MFSD8: variants seen among roughly 807,000 people sequenced by gnomAD.
MFSD8 encodes major facilitator superfamily domain containing 8.
In MFSD8, 55 loss-of-function variants were observed where a neutral mutation model predicts 66.4. The observed-to-expected ratio is 0.83, with a 90% CI of 0.67 to 1.04. MFSD8 has a LOEUF of 1.04. Ranked by LOEUF, MFSD8 falls within the 50% of genes least tolerant of loss-of-function variation. The probability of loss-of-function intolerance (pLI) is 0.00; values close to 1 mark genes in which losing one functional copy is unlikely to be tolerated. For synonymous variants in MFSD8, 202 were observed against 212.8 expected, an observed-to-expected ratio of 0.95 and a Z score of 0.44; for missense variants, 550 against 627.6, an observed-to-expected ratio of 0.88 and a Z score of 1.32.
intron 1 of MFSD8, among the ~76,000 whole-genome samples, chr4:127,963,676 T>TG (rs1560785876): frequency 6.6e-6 from 1 of 152,018 alleles, no homozygotes; most frequent in Admixed American, 6.6e-5. Flanking sequence ...TCGCGGTGAG[T>TG]GTTACGGCTC....
intron 11 of MFSD8, 141 bp from the exon 12 acceptor site, chr4:127,920,977 C>T (rs1736261334): frequency 2.6e-6 from 2 of 770,898 alleles, no homozygotes. Context: ...CATAAAATGC[C>T]TCCTATAAAT....
rs147768072 is a variant in MFSD8, at chr4:127,950,021, T to C, written c.155-174A>G. ...TAATTATCAGAAGAAAAATAAAGAC[T>C]AAAAGAACATACAATTACAGTCCCT... On this transcript the variant is annotated intron_variant, in intron 2 of 11. Coordinates refer to ENST00000641686, the MANE Select transcript of MFSD8 (RefSeq NM_001371596.2). 0.012 allele frequency among the ~76,000 whole-genome samples: 1,858 copies of C among 152,276 alleles called. 18 individuals are homozygous for C. The highest frequency in any genetic ancestry group is 0.025 in the South Asian group (119 of 4,826).
rs1209439323 is a variant in MFSD8 at position 127,920,499 on chromosome 4, T to C, written c.*131A>G. 3.5e-6 allele frequency: 3 copies of C among 851,844 alleles called. No homozygotes were observed. Among genetic ancestry groups the C allele is most frequent in the Admixed American group, 3.6e-5 (2 of 54,828 alleles). 52.8% of individuals were successfully genotyped at this position (851,844 alleles called of 1,614,324 possible). On this transcript the variant is annotated 3_prime_UTR_variant, in exon 12 of 12. Transcript: ENST00000641686. ...AGAATTCTCTCTGTTATTCAACATA[T>C]GTTCTTGTTCTTCAAAATCTGCAAT...
chr4:127,929,060 G>A (rs554654072), intron 9 of MFSD8, among the ~76,000 whole-genome samples: 8 of 152,074 alleles, frequency 5.3e-5, no homozygotes, highest in Non-Finnish European at 2.9e-5. Flanking sequence ...GGTGGTTCAC[G>A]CCTGTAATCC....
chr4:127,939,951 C>G lies in MFSD8; in HGVS notation c.600G>C (p.Trp200Cys). 1.2e-6 allele frequency: 2 copies of G among 1,613,460 alleles called. No individual in the cohort carries two copies. Among genetic ancestry groups the G allele is most frequent in the South Asian group, 2.2e-5 (2 of 91,032 alleles). Residue 200 changes from tryptophan to cysteine, a missense_variant, in exon 6 of 12, where the codon TGG (tryptophan) becomes TGC (cysteine). Trp to Cys is a radical substitution (Grantham distance 215). Transcript: ENST00000641686. ...TGTTTATCTGCAGTTTAATCACATC[C>G]CATGTCACACCTTTTTCTCCAAGGA... ...FTFLGEKGVT[W>C]DVIKLQINMY...
chr4:127,947,882 A>ACG (rs1402850501), intron 3 of MFSD8, among the ~76,000 whole-genome samples: 4 of 148,988 alleles, frequency 2.7e-5, no homozygotes, highest in Non-Finnish European at 5.9e-5. Flanking sequence ...ACACACACAC[A>ACG]CACACACACA....
chr4:127,927,308 T>G (rs574054565), intron 9 of MFSD8, among the ~76,000 whole-genome samples: 1 of 152,294 alleles, frequency 6.6e-6, no homozygotes, highest in South Asian at 2.1e-4. Context: ...GTGGAGCAGC[T>G]GTGATTACAG....
chr4:127,945,642 T>G (rs1740910045), intron 3 of MFSD8: 1 of 152,018 alleles, frequency 6.6e-6, no homozygotes, highest in Non-Finnish European at 1.5e-5. Flanking sequence ...TAAAGATATT[T>G]AAAGTGAAAA....
intron 7 of MFSD8, among the ~76,000 whole-genome samples, chr4:127,936,473 C>T (rs1057402937): frequency 9.2e-5 from 14 of 151,748 alleles, no homozygotes; most frequent in African/African-American, 3.4e-4. Flanking sequence ...CACCTGTAAT[C>T]CTAGCACTTT....
At position 127,938,830 on chromosome 4, in the gene MFSD8, C is replaced by T. The variant is rs371250204; in HGVS notation, c.707G>A (p.Arg236His). 29 of 1,606,796 alleles carry T rather than the reference C, an allele frequency of 1.8e-5. No individual in the cohort carries two copies. In the Middle Eastern group the frequency reaches 5.0e-4, roughly 28 times the overall value. The change falls in exon 7 of 12, where the codon CGT becomes CAT. Residue 236 changes from arginine to histidine, a missense_variant. Coordinates refer to ENST00000641686, the MANE Select transcript of MFSD8 (RefSeq NM_001371596.2). ...ACACTGTCTTCCTGAGTCATCCACACGATGTTCTCTTAAAAAGAAAAACAC... is the reference window on the plus strand; with the variant it reads ...ACACTGTCTTCCTGAGTCATCCACATGATGTTCTCTTAAAAAGAAAAACAC... The part of the protein sequence containing the change: ...ILILAILREH[R>H]VDDSGRQCKS...
Position 127,938,596 on chromosome 4 carries a change from TAAATAA to T in MFSD8, c.754+181_754+186del, listed in dbSNP as rs1309104033. Among the ~76,000 whole-genome samples, 1,590 of 105,960 alleles carry T rather than the reference TAAATAA, an allele frequency of 0.015. 58 individuals carry two copies. Among genetic ancestry groups the T allele is most frequent in the African/African-American group, 0.062 (1,421 of 23,010 alleles). 69.5% of individuals were successfully genotyped at this position (105,960 alleles called of 152,430 possible). On this transcript the variant is annotated intron_variant, in intron 7 of 11. Transcript: ENST00000641686. ...AAACTCTGTCTCAAAAAAAAAAAAA[TAAATAA>T]ATAAATAAATAAATAAATAAATAAA...
chr4:127,923,455 C>G (rs975273023), intron 9 of MFSD8, among the ~76,000 whole-genome samples: 4 of 151,750 alleles, frequency 2.6e-5, no homozygotes, highest in Admixed American at 6.6e-5. Flanking sequence ...GTTGAACCAG[C>G]CTTGCATCTC....
At chr4:127,941,327 A>T (rs1206143749) in intron 5 of MFSD8, among the ~76,000 whole-genome samples, 3 of 152,146 alleles carry the variant, frequency 2.0e-5, no homozygotes. Context: ...GCTGAGTTGG[A>T]TTCAAACTGA....
chr4:127,943,728 C>T, intron 4 of MFSD8, 24 bp downstream of exon 4: 1 of 1,613,858 alleles, frequency 6.2e-7, no homozygotes. Flanking sequence ...TATGACACAA[C>T]CAAACATATA....
chr4:127,954,444 C>T (rs1035391264), intron 2 of MFSD8, among the ~76,000 whole-genome samples: 5 of 152,012 alleles, frequency 3.3e-5, no homozygotes, highest in South Asian at 2.1e-4. Context: ...GGCAAAACCC[C>T]GTCTCTACTA....
intron 9 of MFSD8, among the ~76,000 whole-genome samples, chr4:127,929,451 T>C (rs1578834908): frequency 1.3e-5 from 2 of 148,560 alleles, no homozygotes; most frequent in Non-Finnish European, 3.0e-5. Flanking sequence ...AGCCAGGCAT[T>C]ATGGCACATG....
chr4:127,946,045 C>T (rs1453709625), intron 3 of MFSD8, among the ~76,000 whole-genome samples: 4 of 151,906 alleles, frequency 2.6e-5, no homozygotes, highest in Non-Finnish European at 5.9e-5. Context: ...CTCAGGCTCC[C>T]AAGCAGCTGG....
chr4:127,930,821 A>G lies in MFSD8; in HGVS notation c.864-4T>C, dbSNP rs1487175945. 2 of 1,603,986 alleles carry G rather than the reference A, an allele frequency of 1.2e-6. No homozygotes were observed. The highest frequency in any genetic ancestry group is 2.2e-5 in the East Asian group (1 of 44,696). ...CATTGTTAATGGAGTAATGATGCTA[A>G]GAAAAAAAAAATTATTCTTATTTTA... On this transcript the variant is annotated splice_region_variant and splice_polypyrimidine_tract_variant and intron_variant, in intron 8 of 11. Transcript: ENST00000641686.
chr4:127,941,900 A>T, intron 5 of MFSD8, 145 bp downstream of exon 5: 1 of 669,734 alleles, frequency 1.5e-6, no homozygotes, highest in Non-Finnish European at 2.7e-6. Context: ...AAATGAGTGT[A>T]GCCTCATTCC....
Sources: allele counts gnomAD v4.1 joint callset (sites outside exome capture counted in the v4.1 genomes callset), GRCh38; gene constraint gnomAD v4.1.1; transcripts MANE v1.5; gene names NCBI Gene and HGNC (gene_info 2026-07-23, HGNC 2026-07-21).